The following IFI44 variants were observed in gnomAD, a reference collection of about 807,000 sequenced individuals.
The protein encoded by IFI44 is interferon induced protein 44, also known as interferon-induced protein 44.
IFI44 carries 42 observed loss-of-function variants against 45.0 expected under a neutral mutation model. The observed-to-expected ratio is 0.93, with a 90% CI of 0.73 to 1.21. The LOEUF is 1.21. Among genes scored for constraint, IFI44 ranks in the 50% most tolerant of loss-of-function variants. The pLI is 0.00. For synonymous variants in IFI44, 221 were observed against 188.6 expected (o/e 1.17, Z -1.41); for missense variants, 623 against 525.8 (o/e 1.18, Z -1.81).
chr1:78,662,666 C>T lies in IFI44; in HGVS notation c.1114-38C>T, dbSNP rs770688577. The stretch of plus-strand genomic sequence containing the variant: ...TATACTAACATAAAATAATATTTTT[C>T]ACTGTTTTGCAATGTCTTTTTAATT... On this transcript the variant is annotated intron_variant, in intron 7 of 8. Coordinates refer to ENST00000370747, the MANE Select transcript of IFI44 (RefSeq NM_006417.5). 4.2e-6 allele frequency: 6 copies of T among 1,433,934 alleles called. No individual in the cohort carries two copies. The East Asian group carries it at 1.4e-4, about 33-fold the overall frequency. 88.8% of individuals were successfully genotyped at this position (1,433,934 alleles called of 1,614,324 possible).
Position 78,650,446 on chromosome 1 carries a change from A to T in IFI44, c.251A>T (p.Asp84Val), listed in dbSNP as rs762666764. The T allele has an allele frequency of 1.9e-6, 3 of 1,613,920 alleles. No homozygotes were observed. Among genetic ancestry groups the T allele is most frequent in the Non-Finnish European group, 2.5e-6 (3 of 1,179,908 alleles). The change falls in exon 2 of 9, where the codon GAT becomes GTT. Residue 84 changes from aspartate to valine, a missense_variant. Physicochemically the swap from Asp to Val is radical, Grantham distance 152. Transcript: ENST00000370747. ...YASIILFALQ[D>V]TKISEWKLGL... is the part of the protein sequence containing the mutation. The stretch of plus-strand genomic sequence containing the variant: ...TCCATCATCCTTTTTGCACTTCAAG[A>T]TACTAAAATTTCAGAATGGAAACTA...
chr1:78,663,015 C>T, intron 8 of IFI44, 137 bp downstream of exon 8: 1 of 1,531,690 alleles, frequency 6.5e-7, no homozygotes, highest in Non-Finnish European at 8.8e-7. Flanking sequence ...TTTTAACCCA[C>T]TCCCTGGATG....
intron 4 of IFI44, 36 bp downstream of exon 4, chr1:78,655,245 C>T: frequency 1.3e-6 from 2 of 1,584,326 alleles, no homozygotes; most frequent in African/African-American, 2.7e-5. Flanking sequence ...CTTTGCTTCT[C>T]TGTTCAAATC....
chr1:78,650,591 T>A lies in IFI44; in HGVS notation c.396T>A (p.Asn132Lys), dbSNP rs749193525. 34 of 1,610,994 alleles carry A rather than the reference T, an allele frequency of 2.1e-5. 1 individual carries two copies. In the South Asian group the frequency reaches 3.8e-4, roughly 18 times the overall value. ...KVIMDLKTME[N>K]LGLAQNCTIS... ...TTATGGACTTAAAGACAATGGAAAA[T>A]CTTGGACTTGCTCAAAATTGTACTA... The change falls in exon 2 of 9, where the codon AAT becomes AAA. Residue 132 changes from asparagine (N) to lysine (K), a missense_variant. Physicochemically the swap from Asn to Lys is moderately conservative, Grantham distance 94. Transcript: ENST00000370747.
At chr1:78,661,405 T>C (rs1345245389) in intron 7 of IFI44, among the ~76,000 whole-genome samples, 1 of 152,114 alleles carries the variant, frequency 6.6e-6, no homozygotes, top group Non-Finnish European at 1.5e-5. Flanking sequence ...AACTCACAGA[T>C]GCAGAACCCA....
intron 7 of IFI44, among the ~76,000 whole-genome samples, chr1:78,661,220 C>T (rs1452668513): frequency 6.6e-6 from 1 of 152,026 alleles, no homozygotes; most frequent in African/African-American, 2.4e-5. Context: ...TGCCACCATG[C>T]CTGGCTAATC....
chr1:78,660,226 C>G (rs56263720), intron 6 of IFI44, among the ~76,000 whole-genome samples: 98 of 152,260 alleles, frequency 6.4e-4, no homozygotes, highest in Non-Finnish European at 1.3e-3. Context: ...TCTTTAGTCT[C>G]TGTCAAAACA....
Position 78,662,701 on chromosome 1 carries a change from C to T in IFI44, c.1114-3C>T. The T allele has an allele frequency of 6.2e-7, 1 of 1,606,814 alleles. No homozygotes were observed. The highest frequency in any genetic ancestry group is 1.1e-5 in the South Asian group (1 of 90,874). ...CAATGTCTTTTTAATTTCTGTATTG[C>T]AGCTAGAGGAAGTCCAAAGAAAACT... On this transcript the variant is annotated splice_region_variant and splice_polypyrimidine_tract_variant and intron_variant, in intron 7 of 8. Transcript: ENST00000370747.
intron 4 of IFI44, 42 bp from the exon 5 acceptor site, chr1:78,655,320 A>G: frequency 1.3e-6 from 2 of 1,564,124 alleles, no homozygotes; most frequent in South Asian, 1.2e-5. Flanking sequence ...TCAATTTATA[A>G]TAAAAAATGA....
At position 78,649,882 on chromosome 1, in the gene IFI44, C is replaced by A. The variant is rs1353178127; in HGVS notation, c.-34C>A. On this transcript the variant is annotated 5_prime_UTR_variant, in exon 1 of 9. It adds an upstream start codon to the 5' untranslated region. Coordinates refer to ENST00000370747, the MANE Select transcript of IFI44 (RefSeq NM_006417.5). ...ACAGAGCAGCTACCCTCAGCTCTAG[C>A]TGATACTACAGACAGTACAACAGGT... is the stretch of plus-strand genomic sequence containing the variant. The A allele has an allele frequency of 1.1e-5, 2 of 184,214 alleles. No homozygotes were observed. The highest frequency in any genetic ancestry group is 1.3e-4 in the East Asian group (1 of 7,542). The allele number at this position is 184,214 out of a possible 1,614,324, so 11.4% of individuals were successfully genotyped here.
At chr1:78,653,331 T>A (rs1382907777) in intron 2 of IFI44, among the ~76,000 whole-genome samples, 1 of 151,832 alleles carries the variant, frequency 6.6e-6, no homozygotes. Flanking sequence ...GGTATTAAAG[T>A]TATTTAAGAC....
chr1:78,660,821 C>T, intron 7 of IFI44, 167 bp downstream of exon 7: 1 of 639,666 alleles, frequency 1.6e-6, no homozygotes, highest in Non-Finnish European at 2.9e-6. Context: ...ACAGTTGTTC[C>T]TTGGTATTTG....
In IFI44 at chr1:78,659,597, CT is replaced by C. The variant is rs1295465084; in HGVS notation, c.1012+116del. ...AACTTAAGTCATTGCATATTTCAAT[CT>C]TCCCTAGCCTACCAGGATGCTTCAA... is the stretch of plus-strand genomic sequence containing the variant. On this transcript the variant is annotated intron_variant, in intron 6 of 8. Transcript: ENST00000370747. 2.6e-5 allele frequency: 19 copies of C among 724,202 alleles called. No individual in the cohort carries two copies. In the East Asian group the frequency reaches 4.4e-4, roughly 17 times the overall value. The allele number at this position is 724,202 out of a possible 1,614,324, so 44.9% of individuals were successfully genotyped here. A position where few individuals can be genotyped will look rare whatever the true frequency, so the allele number is the denominator to read the frequency against.
At position 78,654,343 on chromosome 1, in the gene IFI44, T is replaced by A. The variant is rs1336164578; in HGVS notation, c.494+64T>A. 7 of 860,858 alleles carry A rather than the reference T, an allele frequency of 8.1e-6. No individual in the cohort carries two copies. In the Admixed American group the frequency reaches 1.4e-4, roughly 17 times the overall value. 53.3% of individuals were successfully genotyped at this position (860,858 alleles called of 1,614,324 possible). A position where few individuals can be genotyped will look rare whatever the true frequency, so the allele number is the denominator to read the frequency against. ...TATCTTTGACTTATTCTATGATAGG[T>A]CTCATCAATATAATTGGCAACACAT... On this transcript the variant is annotated intron_variant, in intron 3 of 8. Transcript: ENST00000370747.
At chr1:78,660,726 A>G in intron 7 of IFI44, 72 bp downstream of exon 7, 1 of 989,136 alleles carries the variant, frequency 1.0e-6, no homozygotes, top group East Asian at 2.4e-5. Flanking sequence ...GTGTGTATAA[A>G]AATAAAAACA....
chr1:78,651,635 T>A (rs981002340), intron 2 of IFI44, among the ~76,000 whole-genome samples: 2 of 152,158 alleles, frequency 1.3e-5, no homozygotes. Flanking sequence ...GTACAGTAGA[T>A]CTCTGGGACT....
rs1430197696 is a variant in IFI44 at position 78,660,437 on chromosome 1, G to A, written c.1013-117G>A. The A allele has an allele frequency of 3.0e-5, 22 of 725,700 alleles. No homozygotes were observed. In the Admixed American group the frequency reaches 4.7e-4, roughly 16 times the overall value. 45.0% of individuals were successfully genotyped at this position (725,700 alleles called of 1,614,324 possible). A position where few individuals can be genotyped will look rare whatever the true frequency, so the allele number is the denominator to read the frequency against. On this transcript the variant is annotated intron_variant, in intron 6 of 8. Transcript: ENST00000370747. ...GGGAGATGAGGGTGACCGGGGTGTG[G>A]GGGATCTTTCCAAATCTGAAATTGT...
At position 78,650,425 on chromosome 1, in the gene IFI44, T is replaced by C. The variant is rs1294376779; in HGVS notation, c.230T>C (p.Ile77Thr). The C allele has an allele frequency of 6.2e-7, 1 of 1,612,366 alleles. No individual in the cohort carries two copies. The highest frequency in any genetic ancestry group is 8.5e-7 in the Non-Finnish European group (1 of 1,178,392). The change falls in exon 2 of 9, where the codon ATC (isoleucine) becomes ACC (threonine). Residue 77 changes from isoleucine to threonine, a missense_variant. Coordinates refer to ENST00000370747, the MANE Select transcript of IFI44 (RefSeq NM_006417.5). ...ESYQEGKYASIILFALQDTKI... is the reference protein window; with the variant it reads ...ESYQEGKYASTILFALQDTKI... Reference sequence around the variant, plus strand: ...TACCAGGAAGGAAAGTATGCTTCCATCATCCTTTTTGCACTTCAAGATACT... The same window carrying C: ...TACCAGGAAGGAAAGTATGCTTCCACCATCCTTTTTGCACTTCAAGATACT...
chr1:78,650,274 C>A lies in IFI44; in HGVS notation c.79C>A (p.Leu27Ile), dbSNP rs758082866. ...TTTTGGAGGGAAGCGGCTTAGCCTT[C>A]TCTATAAGGGTAGTGTCCATGGATT... is the stretch of plus-strand genomic sequence containing the variant. ...NHFGGKRLSL[L>I]YKGSVHGFRN... is the part of the protein sequence containing the mutation. Residue 27 changes from leucine (L) to isoleucine (I), a missense_variant, in exon 2 of 9, where the codon CTC becomes ATC. Transcript: ENST00000370747. 3 of 1,613,800 alleles carry A rather than the reference C, an allele frequency of 1.9e-6. No individual in the cohort carries two copies. The Admixed American group carries it at 5.0e-5, about 27-fold the overall frequency.
Sources: gnomAD v4.1 joint callset for allele counts (sites outside exome capture counted in the v4.1 genomes callset) on GRCh38, gnomAD v4.1.1 for gene constraint, MANE v1.5 for transcripts, NCBI Gene and HGNC (gene_info 2026-07-23, HGNC 2026-07-21) for gene names.